ARFGEF1: variants seen among roughly 807,000 people sequenced by gnomAD.
ARFGEF1 encodes the protein ARF guanine nucleotide exchange factor 1, also known as brefeldin A-inhibited guanine nucleotide-exchange protein 1.
ARFGEF1 carries 42 observed loss-of-function variants against 231.0 expected under a neutral mutation model. The ratio of observed to expected loss-of-function variants is 0.18; its 90% CI spans 0.14 to 0.24. The LOEUF (loss-of-function observed/expected upper bound fraction) is 0.24, where lower values mean the gene tolerates loss of function less well. ARFGEF1 is among the 10% of genes least tolerant of loss of function. The pLI, the probability that ARFGEF1 is intolerant of heterozygous loss-of-function variation, is 1.00. For synonymous variants in ARFGEF1, 710 were observed against 732.3 expected, an observed-to-expected ratio of 0.97 and a Z score of 0.49; for missense variants, 1,345 against 2,192.0, an observed-to-expected ratio of 0.61 and a Z score of 7.72.
Position 67,203,198 on chromosome 8 carries a change from G to A in ARFGEF1, c.5013C>T (p.Tyr1671=), listed in dbSNP as rs1334369897. ...VRVDTQDQGM[Y]RFLTSQQLFK... ...AAAGTTGTTGTGATGTTAAAAAGCG[G>A]TACATTCCTTGGTCTTGAGTATCAA... Residue 1671 remains tyrosine, a synonymous_variant, in exon 36 of 39, where the codon TAC becomes TAT. Coordinates refer to ENST00000262215, the MANE Select transcript of ARFGEF1 (RefSeq NM_006421.5). 2 of 1,614,166 alleles carry A rather than the reference G, an allele frequency of 1.2e-6. No individual in the cohort carries two copies. Among genetic ancestry groups the A allele is most frequent in the South Asian group, 1.1e-5 (1 of 91,080 alleles).
intron 19 of ARFGEF1, among the ~76,000 whole-genome samples, chr8:67,243,054 A>G (rs1371346332): frequency 6.6e-6 from 1 of 152,178 alleles, no homozygotes; most frequent in Non-Finnish European, 1.5e-5. Flanking sequence ...CCTGGCTCCA[A>G]GATAGTATCT....
At chr8:67,320,132 A>C (rs1343195223) in intron 1 of ARFGEF1, among the ~76,000 whole-genome samples, 1 of 150,070 alleles carries the variant, frequency 6.7e-6, no homozygotes, top group Non-Finnish European at 1.5e-5. Context: ...CTGAGGCAAG[A>C]GAATCGCTTG....
At chr8:67,314,155 G>A (rs940228703) in intron 1 of ARFGEF1, among the ~76,000 whole-genome samples, 2 of 152,130 alleles carry the variant, frequency 1.3e-5, no homozygotes, top group Admixed American at 6.5e-5. Flanking sequence ...CAGGTGAAGC[G>A]CAAAAGGAGC....
chr8:67,342,377 T>A (rs1808679737), intron 1 of ARFGEF1, among the ~76,000 whole-genome samples: 1 of 152,188 alleles, frequency 6.6e-6, no homozygotes, highest in African/African-American at 2.4e-5. Flanking sequence ...TAAATCACAA[T>A]TCAAGCTTGA....
chr8:67,253,709 T>TCTC, intron 17 of ARFGEF1, 87 bp from the exon 18 acceptor site: 2 of 715,546 alleles, frequency 2.8e-6, no homozygotes, highest in Non-Finnish European at 4.0e-6. Context: ...ACATAAGAGA[T>TCTC]TTTGTAAATA....
chr8:67,238,537 A>C (rs1839837211), intron 21 of ARFGEF1, 44 bp from the exon 22 acceptor site: 9 of 1,553,088 alleles, frequency 5.8e-6, no homozygotes, highest in Non-Finnish European at 7.8e-6. Context: ...CATGTTAAAA[A>C]TATCTTCAAA....
intron 4 of ARFGEF1, 39 bp downstream of exon 4, chr8:67,299,170 C>T (rs1806368675): frequency 4.1e-6 from 6 of 1,470,758 alleles, no homozygotes; most frequent in South Asian, 1.4e-5. Context: ...TTTGAAGATA[C>T]AGATTATTAA....
intron 34 of ARFGEF1, among the ~76,000 whole-genome samples, chr8:67,206,482 A>C (rs1181543158): frequency 6.6e-6 from 1 of 151,984 alleles, no homozygotes; most frequent in Non-Finnish European, 1.5e-5. Flanking sequence ...GCAAAGTAAC[A>C]AAAGTGCCAC....
chr8:67,214,422 T>C (rs1838854979), intron 33 of ARFGEF1, among the ~76,000 whole-genome samples: 1 of 152,156 alleles, frequency 6.6e-6, no homozygotes. Flanking sequence ...TATAGTACAA[T>C]GCAAGAAGAA....
chr8:67,226,171 T>A lies in ARFGEF1; in HGVS notation c.3929A>T (p.Glu1310Val). The change falls in exon 28 of 39, where the codon GAA becomes GTA. Residue 1310 changes from glutamate (E) to valine (V), a missense_variant. Glu to Val is a moderately radical substitution (Grantham distance 121). This residue lies in a region of ARFGEF1 where 142 missense variants were observed against 227.3 expected (regional missense o/e 0.62). Transcript: ENST00000262215. The stretch of plus-strand genomic sequence containing the variant: ...ATCAATGGTCGCTGGAAAGTGTTTT[T>A]CAAATACAAGGGCTAAAATAGAGAA... ...TTGHIVTLVF[E>V]KHFPATIDSF... is the part of the protein sequence containing the mutation. The A allele has an allele frequency of 6.2e-7, 1 of 1,605,086 alleles. No homozygotes were observed. Among genetic ancestry groups the A allele is most frequent in the Non-Finnish European group, 8.5e-7 (1 of 1,176,242 alleles).
At chr8:67,229,065 A>G (rs1013809245) in intron 23 of ARFGEF1, among the ~76,000 whole-genome samples, 3 of 152,212 alleles carry the variant, frequency 2.0e-5, no homozygotes, top group Non-Finnish European at 4.4e-5. Flanking sequence ...TCATAGCAGT[A>G]ACAGTAATAG....
chr8:67,282,314 A>C (rs1805568544), intron 7 of ARFGEF1, among the ~76,000 whole-genome samples: 1 of 152,174 alleles, frequency 6.6e-6, no homozygotes, highest in Admixed American at 6.5e-5. Context: ...AAATTAATTG[A>C]GAAATGATTA....
chr8:67,291,875 A>G lies in ARFGEF1; in HGVS notation c.888T>C (p.Thr296=), dbSNP rs151194871. The change falls in exon 6 of 39, where the codon ACT becomes ACC. Residue 296 remains threonine (T), a synonymous_variant. Coordinates refer to ENST00000262215, the MANE Select transcript of ARFGEF1 (RefSeq NM_006421.5). ...SDISSAENEQ[T]EADQATAAET... ...CAGCTGCAGTTGCCTGATCAGCTTC[A>G]GTCTGTTCATTTTCTGCACTGGAAA... The G allele has an allele frequency of 2.6e-5, 42 of 1,613,744 alleles. No homozygotes were observed. Among genetic ancestry groups the G allele is most frequent in the African/African-American group, 1.9e-4 (14 of 74,892 alleles).
chr8:67,323,561 C>G (rs1385865298), intron 1 of ARFGEF1, among the ~76,000 whole-genome samples: 1 of 152,166 alleles, frequency 6.6e-6, no homozygotes, highest in Non-Finnish European at 1.5e-5. Flanking sequence ...TCTCATACTG[C>G]CATTTTTGGT....
At chr8:67,193,541 A>G, downstream of ARFGEF1, 2 of 1,613,644 alleles carry the variant, frequency 1.2e-6, no homozygotes, top group Non-Finnish European at 1.7e-6. Flanking sequence ...ATGAGCTTAG[A>G]GTGAGAAATG....
intron 5 of ARFGEF1, among the ~76,000 whole-genome samples, chr8:67,180,952 A>G (rs2129571093): frequency 6.6e-6 from 1 of 152,094 alleles, no homozygotes; most frequent in South Asian, 2.1e-4. Flanking sequence ...TAGTCTACAT[A>G]TTAGTTGTAT....
At position 67,198,123 on chromosome 8, in the gene ARFGEF1, GT is replaced by G; in HGVS notation, c.*810del. The G allele has an allele frequency of 1.0e-6, 1 of 985,688 alleles. No individual in the cohort carries two copies. Among genetic ancestry groups the G allele is most frequent in the Non-Finnish European group, 1.2e-6 (1 of 829,916 alleles). The allele number at this position is 985,688 out of a possible 1,614,324, so 61.1% of individuals were successfully genotyped here. A position where few individuals can be genotyped will look rare whatever the true frequency, so the allele number is the denominator to read the frequency against. ...AAGTCCTAAGAGAAATATGTGACAG[GT>G]AGTTACTGTCAGTAGGGATATTTTC... is the stretch of plus-strand genomic sequence containing the variant. On this transcript the variant is annotated 3_prime_UTR_variant, in exon 39 of 39. Transcript: ENST00000262215.
chr8:67,264,891 T>C (rs548534991), intron 14 of ARFGEF1, among the ~76,000 whole-genome samples: 1 of 152,326 alleles, frequency 6.6e-6, no homozygotes, highest in South Asian at 2.1e-4. Context: ...AAATTGCTCA[T>C]GTTTAGAATG....
At chr8:67,217,631 A>C (rs565893354) in intron 32 of ARFGEF1, 151 bp downstream of exon 32, 1 of 852,936 alleles carries the variant, frequency 1.2e-6, no homozygotes, top group South Asian at 2.1e-5. Context: ...TTTGGTTTGT[A>C]ATAAATCTAA....
Sources: allele counts gnomAD v4.1 joint callset (sites outside exome capture counted in the v4.1 genomes callset), GRCh38; gene constraint gnomAD v4.1.1; regional missense constraint gnomAD v4.1.1; transcripts MANE v1.5; gene names NCBI Gene and HGNC (gene_info 2026-07-23, HGNC 2026-07-21).